The following RFX6 variants were observed in gnomAD, a reference collection of about 807,000 sequenced individuals.
RFX6 encodes DNA-binding protein RFX6.
In RFX6, 50 loss-of-function variants were observed where a neutral mutation model predicts 110.8. The ratio of observed to expected loss-of-function variants is 0.45; its 90% confidence interval spans 0.36 to 0.57. The LOEUF (loss-of-function observed/expected upper bound fraction) is 0.57. Among genes scored for constraint, RFX6 ranks in the 20% least tolerant of loss-of-function variants. RFX6 has a pLI of 0.00. For missense variants in RFX6, 990 were observed against 1,127.0 expected, an observed-to-expected ratio of 0.88 and a Z score of 1.74; for synonymous variants, 383 against 411.2, an observed-to-expected ratio of 0.93 and a Z score of 0.83.
chr6:116,904,779 G>T (rs555969991), intron 6 of RFX6, among the ~76,000 whole-genome samples: 1 of 152,076 alleles, frequency 6.6e-6, no homozygotes, highest in Non-Finnish European at 1.5e-5. Context: ...TTGTCTTCTG[G>T]TGACTGACTT....
At chr6:116,884,367 C>T (rs1774654772) in intron 4 of RFX6, among the ~76,000 whole-genome samples, 1 of 151,772 alleles carries the variant, frequency 6.6e-6, no homozygotes, top group Admixed American at 6.6e-5. Flanking sequence ...TTCTGTTGGT[C>T]GATATATAAT....
Position 116,882,420 on chromosome 6 carries a change from CCATT to C in RFX6, c.561_564del (p.His187GlnfsTer26). On this transcript the variant is annotated frameshift_variant, in exon 4 of 19. Coordinates refer to ENST00000332958, the MANE Select transcript of RFX6 (RefSeq NM_173560.4). LOFTEE classifies it high-confidence loss of function. ...CAACAAGGCGGCTTGGAACAAGAGG[CCATT>C]CAAAGTAAGATACCAGTGAACATAT... 2 of 1,610,646 alleles carry C rather than the reference CCATT, an allele frequency of 1.2e-6. No individual in the cohort carries two copies. Among genetic ancestry groups the C allele is most frequent in the Non-Finnish European group, 1.7e-6 (2 of 1,177,118 alleles).
At chr6:116,895,038 T>C (rs913571555) in intron 5 of RFX6, 142 bp from the exon 6 acceptor site, 2 of 546,596 alleles carry the variant, frequency 3.7e-6, no homozygotes, top group Admixed American at 6.2e-5. Flanking sequence ...AGATGCTTGA[T>C]TTCTTTAAAA....
At position 116,920,683 on chromosome 6, in the gene RFX6, G is replaced by GA. The variant is rs985375381; in HGVS notation, c.1327+237dup. Among the ~76,000 whole-genome samples, 15 of 150,632 alleles carry GA rather than the reference G, an allele frequency of 1.0e-4. No homozygotes were observed. In the Middle Eastern group the frequency reaches 0.01, roughly 103 times the overall value. ...CTGGGCTGAAAAATCACATCTGATT[G>GA]AAAAAAAACCTGGTTTATAAAAATA... On this transcript the variant is annotated intron_variant, in intron 12 of 18. Coordinates refer to ENST00000332958, the MANE Select transcript of RFX6 (RefSeq NM_173560.4).
At chr6:116,923,414 C>A in intron 14 of RFX6, 190 bp downstream of exon 14, 1 of 584,918 alleles carries the variant, frequency 1.7e-6, no homozygotes, top group South Asian at 2.0e-5. Context: ...TAAATCCTAA[C>A]AATGATTGTC....
intron 6 of RFX6, among the ~76,000 whole-genome samples, chr6:116,896,179 A>G (rs1014052543): frequency 3.0e-4 from 46 of 152,186 alleles, no homozygotes; most frequent in African/African-American, 1.1e-3. Context: ...TGTTCTTTCT[A>G]CTAGTTTGAT....
intron 3 of RFX6, among the ~76,000 whole-genome samples, 153 bp downstream of exon 3, chr6:116,880,820 C>G (rs1562131408): frequency 1.3e-5 from 2 of 151,960 alleles, no homozygotes; most frequent in Non-Finnish European, 1.5e-5. Context: ...TTTGGAATTG[C>G]TATATGTTTA....
At chr6:116,916,850 T>C (rs888996848) in intron 9 of RFX6, among the ~76,000 whole-genome samples, 7 of 152,132 alleles carry the variant, frequency 4.6e-5, no homozygotes, top group Non-Finnish European at 7.4e-5. Context: ...AAACATTTAA[T>C]GGAAGACAGA....
chr6:116,894,718 T>A lies in RFX6; in HGVS notation c.645-462T>A, dbSNP rs148656525. 8.5e-5 allele frequency among the ~76,000 whole-genome samples: 13 copies of A among 152,246 alleles called. 1 individual carries two copies. In the East Asian group the frequency reaches 2.5e-3, roughly 29 times the overall value. ...GAATAATTAGATGTGTATCTGAGAT[T>A]GCTTTATGGTACGATTTACCAAGAA... On this transcript the variant is annotated intron_variant, in intron 5 of 18. Coordinates refer to ENST00000332958, the MANE Select transcript of RFX6 (RefSeq NM_173560.4).
At position 116,931,745 on chromosome 6, in the gene RFX6, A is replaced by G. The variant is rs888442352; in HGVS notation, c.*239A>G. The G allele has an allele frequency of 2.4e-6, 1 of 422,406 alleles. No individual in the cohort carries two copies. The highest frequency in any genetic ancestry group is 4.0e-5 in the East Asian group (1 of 24,836). 26.2% of individuals were successfully genotyped at this position (422,406 alleles called of 1,614,324 possible). A position where few individuals can be genotyped will look rare whatever the true frequency, so the allele number is the denominator to read the frequency against. Reference sequence around the variant, plus strand: ...ATTAATCATAGTTTCAAAATTATCAAATAAAACCAGTGAAGATCTGAAGAT... The same window carrying G: ...ATTAATCATAGTTTCAAAATTATCAGATAAAACCAGTGAAGATCTGAAGAT... On this transcript the variant is annotated 3_prime_UTR_variant, in exon 19 of 19. Transcript: ENST00000332958.
chr6:116,889,947 T>G (rs1296945276), intron 4 of RFX6, among the ~76,000 whole-genome samples: 1 of 152,220 alleles, frequency 6.6e-6, no homozygotes, highest in African/African-American at 2.4e-5. Flanking sequence ...AGTTTATACA[T>G]GAAATGTCAA....
chr6:116,928,404 T>C (rs1775800558), intron 17 of RFX6, among the ~76,000 whole-genome samples: 1 of 152,068 alleles, frequency 6.6e-6, no homozygotes, highest in South Asian at 2.1e-4. Flanking sequence ...GCGATAGTGC[T>C]TTTTTTCCTT....
At chr6:116,886,522 A>G (rs567029820) in intron 4 of RFX6, among the ~76,000 whole-genome samples, 6 of 152,316 alleles carry the variant, frequency 3.9e-5, no homozygotes, top group African/African-American at 1.2e-4. Context: ...CTATGTGACA[A>G]AGAGATGATT....
Position 116,880,673 on chromosome 6 carries a change from T to C in RFX6, c.504+6T>C. 1 of 1,613,256 alleles carries C rather than the reference T, an allele frequency of 6.2e-7. No homozygotes were observed. The highest frequency in any genetic ancestry group is 1.7e-5 in the Admixed American group (1 of 59,978). On this transcript the variant is annotated splice_donor_region_variant and intron_variant, in intron 3 of 18. Transcript: ENST00000332958. Reference sequence around the variant, plus strand: ...GTGCGGCCACCTTTGGAAAGGTAAATGACACGTATTGGCTATAGTGACTTA... The same window carrying C: ...GTGCGGCCACCTTTGGAAAGGTAAACGACACGTATTGGCTATAGTGACTTA...
rs59264999 is a variant in RFX6 at position 116,909,735 on chromosome 6, C to CTTTT, written c.673-1174_673-1171dup. ...TTTTAAATATAAAGCTCATTTAAAT[C>CTTTT]TTTTTTTTTTTTTTTTTTTTTTTTT... is the stretch of plus-strand genomic sequence containing the variant. On this transcript the variant is annotated intron_variant, in intron 6 of 18. Transcript: ENST00000332958. Among the ~76,000 whole-genome samples the CTTTT allele has an allele frequency of 1.2e-3, 78 of 67,384 alleles. 6 individuals are homozygous for CTTTT. Among genetic ancestry groups the CTTTT allele is most frequent in the African/African-American group, 2.5e-3 (41 of 16,512 alleles). 44.2% of individuals were successfully genotyped at this position (67,384 alleles called of 152,430 possible).
At chr6:116,929,235 G>A (rs1307207337) in intron 18 of RFX6, among the ~76,000 whole-genome samples, 2 of 152,104 alleles carry the variant, frequency 1.3e-5, no homozygotes, top group Non-Finnish European at 2.9e-5. Flanking sequence ...TATCTATTAA[G>A]TATGCAAAAG....
At chr6:116,922,227 T>TG in intron 13 of RFX6, 76 bp downstream of exon 13, 1 of 811,732 alleles carries the variant, frequency 1.2e-6, no homozygotes, top group Non-Finnish European at 2.2e-6. Context: ...ATTTTTTGTC[T>TG]GGGGGGAGAG....
chr6:116,918,468 A>T (rs1775521103), intron 10 of RFX6, among the ~76,000 whole-genome samples: 1 of 152,022 alleles, frequency 6.6e-6, no homozygotes, highest in South Asian at 2.1e-4. Flanking sequence ...TAATTACAAA[A>T]TCAGAAAGTG....
intron 18 of RFX6, among the ~76,000 whole-genome samples, 171 bp downstream of exon 18, chr6:116,929,142 ACAGTTTTT>A (rs1427387445): frequency 6.6e-6 from 1 of 152,180 alleles, no homozygotes; most frequent in African/African-American, 2.4e-5. Context: ...ACAGTTAGTA[ACAGTTTTT>A]CATTTCTTAT....
Sources: allele counts gnomAD v4.1 joint callset (sites outside exome capture counted in the v4.1 genomes callset), GRCh38; gene constraint gnomAD v4.1.1; transcripts MANE v1.5; gene names NCBI Gene and HGNC (gene_info 2026-07-23, HGNC 2026-07-21).